Variants in MYO5B observed in about 807,000 individuals in gnomAD.
The protein encoded by MYO5B is myosin VB, also known as unconventional myosin-Vb.
Under a neutral mutation model 229.3 loss-of-function variants are expected in MYO5B, and 143 were observed. The observed-to-expected ratio is 0.62, with a 90% CI of 0.54 to 0.72. MYO5B has a LOEUF of 0.72. Among genes scored for constraint, MYO5B ranks in the 30% least tolerant of loss-of-function variants. The pLI is 0.00. For synonymous variants in MYO5B, 918 were observed against 885.2 expected, an observed-to-expected ratio of 1.04 and a Z score of -0.66; for missense variants, 2,321 against 2,331.0, an observed-to-expected ratio of 1.00 and a Z score of 0.09.
intron 21 of MYO5B, among the ~76,000 whole-genome samples, chr18:49,898,239 T>C (rs1455242086): frequency 6.6e-6 from 1 of 152,228 alleles, no homozygotes; most frequent in Non-Finnish European, 1.5e-5. Flanking sequence ...GTATATGACA[T>C]ATATGCATGA....
intron 1 of MYO5B, among the ~76,000 whole-genome samples, chr18:50,183,331 A>ATATATATATATATATATATATATG (rs2033102299): frequency 1.9e-5 from 2 of 105,584 alleles, no homozygotes; most frequent in African/African-American, 6.4e-5. Flanking sequence ...ATATATATAT[A>ATATATATATATATATATATATATG]TATATATCTC....
intron 12 of MYO5B, among the ~76,000 whole-genome samples, chr18:49,955,610 T>C (rs1030901773): frequency 3.9e-5 from 6 of 152,220 alleles, no homozygotes; most frequent in African/African-American, 1.4e-4. Context: ...TCTTAAATCC[T>C]TTGTAAGCAA....
At chr18:49,831,772 C>G (rs1456223352) in intron 39 of MYO5B, among the ~76,000 whole-genome samples, 1 of 152,122 alleles carries the variant, frequency 6.6e-6, no homozygotes, top group South Asian at 2.1e-4. Flanking sequence ...CCCCAAAGAA[C>G]TGAAAAATTG....
intron 16 of MYO5B, among the ~76,000 whole-genome samples, chr18:49,932,993 C>T (rs573659864): frequency 2.0e-5 from 3 of 152,218 alleles, no homozygotes; most frequent in Non-Finnish European, 4.4e-5. Context: ...AGTGCTGAAA[C>T]TGAAGTTCAT....
At chr18:49,941,078 A>T (rs548780144) in intron 14 of MYO5B, among the ~76,000 whole-genome samples, 1 of 152,338 alleles carries the variant, frequency 6.6e-6, no homozygotes, top group East Asian at 1.9e-4. Flanking sequence ...TAAAGCCATG[A>T]AACAACTGTG....
rs200226937 is a variant in MYO5B at position 49,851,924 on chromosome 18, T to C, written c.4221+1525A>G. On this transcript the variant is annotated intron_variant, in intron 31 of 39. Coordinates refer to ENST00000285039, the MANE Select transcript of MYO5B (RefSeq NM_001080467.3). ...GGCTCTCCTTAGGGGTCCTAGCCTCTGTCTGGGCAAATGAGGAGGACCACG... is the reference window on the plus strand; with the variant it reads ...GGCTCTCCTTAGGGGTCCTAGCCTCCGTCTGGGCAAATGAGGAGGACCACG... Among the ~76,000 whole-genome samples, 31 of 152,324 alleles carry C rather than the reference T, an allele frequency of 2.0e-4. No individual in the cohort carries two copies. In the South Asian group the frequency reaches 2.7e-3, roughly 13 times the overall value.
chr18:49,910,314 C>T (rs1027782767), intron 18 of MYO5B, among the ~76,000 whole-genome samples: 2 of 152,160 alleles, frequency 1.3e-5, no homozygotes, highest in Non-Finnish European at 2.9e-5. Flanking sequence ...TGGTGGTAAT[C>T]CTGGAGAAAT....
chr18:49,889,923 G>T (rs1942323), intron 22 of MYO5B, among the ~76,000 whole-genome samples: 11,037 of 152,188 alleles, frequency 0.073, 905 homozygotes, highest in East Asian at 0.3. Context: ...GCTTCCCTCT[G>T]TCTCCCTCTT....
At chr18:49,830,424 A>G (rs1240725228) in intron 39 of MYO5B, among the ~76,000 whole-genome samples, 1 of 152,224 alleles carries the variant, frequency 6.6e-6, no homozygotes, top group African/African-American at 2.4e-5. Context: ...TGACAATACT[A>G]CATAAGCAAT....
rs1228744072 is a variant in MYO5B, at chr18:50,166,784, CA to C, written c.27+27982del. On this transcript the variant is annotated intron_variant, in intron 1 of 39. Coordinates refer to ENST00000285039, the MANE Select transcript of MYO5B (RefSeq NM_001080467.3). Reference sequence around the variant, plus strand: ...ATGGAAAATACCACTGAGAGGAACACAATGCATGATTGAGAAGAAGGGGGAA... The same window carrying C: ...ATGGAAAATACCACTGAGAGGAACACATGCATGATTGAGAAGAAGGGGGAA... Among the ~76,000 whole-genome samples, 3 of 152,078 alleles carry C rather than the reference CA, an allele frequency of 2.0e-5. No homozygotes were observed. In the East Asian group the frequency reaches 5.8e-4, roughly 29 times the overall value.
chr18:50,194,387 G>A (rs2033270345), intron 1 of MYO5B, among the ~76,000 whole-genome samples: 1 of 152,176 alleles, frequency 6.6e-6, no homozygotes, highest in Non-Finnish European at 1.5e-5. Context: ...GAGCACCGCG[G>A]GGGCCCGTCC....
chr18:50,082,674 G>A (rs1402100451), intron 1 of MYO5B, among the ~76,000 whole-genome samples: 1 of 152,078 alleles, frequency 6.6e-6, no homozygotes, highest in African/African-American at 2.4e-5. Context: ...TCCAACTTCT[G>A]TCCCTCCTAG....
Position 50,070,018 on chromosome 18 carries a change from C to CTTTTTTTTTTTTTT in MYO5B, c.28-14654_28-14641dup, listed in dbSNP as rs765610800. On this transcript the variant is annotated intron_variant, in intron 1 of 39. Transcript: ENST00000285039. ...CTTACCTGAAATATTGCAATTTAGT[C>CTTTTTTTTTTTTTT]TTTTTTTTTTTTTTTTTTTTTGAGA... Among the ~76,000 whole-genome samples, 265 of 110,052 alleles carry CTTTTTTTTTTTTTT rather than the reference C, an allele frequency of 2.4e-3. 7 individuals are homozygous for CTTTTTTTTTTTTTT. Among genetic ancestry groups the CTTTTTTTTTTTTTT allele is most frequent in the African/African-American group, 9.6e-3 (254 of 26,494 alleles). The allele number at this position is 110,052 out of a possible 152,430, so 72.2% of individuals were successfully genotyped here.
At chr18:50,030,859 A>T (rs914243178) in intron 4 of MYO5B, among the ~76,000 whole-genome samples, 2 of 136,798 alleles carry the variant, frequency 1.5e-5, no homozygotes, top group African/African-American at 2.7e-5. Flanking sequence ...GCTCTGCAGC[A>T]TCCCCACTCC....
intron 1 of MYO5B, among the ~76,000 whole-genome samples, chr18:50,104,351 A>C (rs1264730455): frequency 1.3e-5 from 2 of 150,690 alleles, no homozygotes; most frequent in Non-Finnish European, 3.0e-5. Context: ...ATAAAAATTC[A>C]AAAAAATTTA....
intron 2 of MYO5B, among the ~76,000 whole-genome samples, chr18:50,045,017 G>A (rs1242613060): frequency 6.6e-6 from 1 of 152,160 alleles, no homozygotes; most frequent in Non-Finnish European, 1.5e-5. Flanking sequence ...AAATGAAAAA[G>A]TCCATTGTGC....
At chr18:50,117,100 G>C (rs2031977217) in intron 1 of MYO5B, among the ~76,000 whole-genome samples, 1 of 151,964 alleles carries the variant, frequency 6.6e-6, no homozygotes, top group Non-Finnish European at 1.5e-5. Flanking sequence ...ATATTTGGTA[G>C]CTCATTTCAA....
chr18:49,957,932 C>T (rs542747192), intron 12 of MYO5B, among the ~76,000 whole-genome samples: 10 of 152,004 alleles, frequency 6.6e-5, no homozygotes, highest in African/African-American at 2.2e-4. Flanking sequence ...CCCAGCTGGC[C>T]CCCCCCAGGA....
At chr18:49,853,334 T>C (rs4449045) in intron 31 of MYO5B, 115 bp downstream of exon 31, 1 of 1,031,402 alleles carries the variant, frequency 9.7e-7, no homozygotes, top group East Asian at 2.5e-5. Context: ...TCTCTGTTCC[T>C]ACTATAGGGC....
Sources: gnomAD v4.1 joint callset for allele counts (sites outside exome capture counted in the v4.1 genomes callset) on GRCh38, gnomAD v4.1.1 for gene constraint, MANE v1.5 for transcripts, NCBI Gene and HGNC (gene_info 2026-07-23, HGNC 2026-07-21) for gene names.